DOK5: variants seen among roughly 807,000 people sequenced by gnomAD.
DOK5 encodes the protein downstream of tyrosine kinase 5.
DOK5 carries 27 observed loss-of-function variants against 43.3 expected under a neutral mutation model. The observed-to-expected ratio is 0.62, with a 90% CI of 0.46 to 0.86. DOK5 has a LOEUF of 0.86. DOK5 is among the 40% of genes least tolerant of loss of function. The pLI is 0.00. For missense variants in DOK5, 373 were observed against 392.9 expected (o/e 0.95, Z 0.43); for synonymous variants, 146 against 140.1 (o/e 1.04, Z -0.30).
intron 6 of DOK5, among the ~76,000 whole-genome samples, chr20:54,610,972 T>A (rs1166671656): frequency 1.3e-5 from 2 of 152,186 alleles, no homozygotes; most frequent in Non-Finnish European, 2.9e-5. Context: ...GATTGTGACA[T>A]CCATCTAGGT....
chr20:54,579,747 G>A (rs1985576051), intron 2 of DOK5, among the ~76,000 whole-genome samples: 1 of 151,958 alleles, frequency 6.6e-6, no homozygotes, highest in Non-Finnish European at 1.5e-5. Context: ...CTTTTTTAGG[G>A]TGGGATAATA....
intron 6 of DOK5, among the ~76,000 whole-genome samples, chr20:54,612,062 A>T (rs114640747): frequency 0.022 from 3,325 of 152,358 alleles, 148 homozygotes; most frequent in African/African-American, 0.076. Flanking sequence ...AACAAACTTT[A>T]TTAATGGACA....
At chr20:54,559,722 T>A (rs1317229987) in intron 2 of DOK5, among the ~76,000 whole-genome samples, 1 of 152,220 alleles carries the variant, frequency 6.6e-6, no homozygotes, top group Admixed American at 6.5e-5. Context: ...TAATCGTGTG[T>A]TCCATGGAAC....
chr20:54,649,215 C>T (rs1979584477), intron 7 of DOK5, among the ~76,000 whole-genome samples: 1 of 152,166 alleles, frequency 6.6e-6, no homozygotes, highest in East Asian at 1.9e-4. Context: ...AGGTCTTACT[C>T]CAGGCCACAT....
chr20:54,532,311 G>A (rs570492747), intron 1 of DOK5, among the ~76,000 whole-genome samples: 2 of 152,310 alleles, frequency 1.3e-5, no homozygotes, highest in East Asian at 3.9e-4. Context: ...TCGTGGGCAG[G>A]TGGGCTCCTG....
At chr20:54,504,261 C>T (rs988887986) in intron 1 of DOK5, among the ~76,000 whole-genome samples, 4 of 152,206 alleles carry the variant, frequency 2.6e-5, no homozygotes, top group Non-Finnish European at 5.9e-5. Flanking sequence ...CACCCTAATT[C>T]TGACCTGTGC....
chr20:54,607,881 TAAAAC>T (rs146059505), intron 5 of DOK5, among the ~76,000 whole-genome samples: 12,388 of 122,338 alleles, frequency 0.1, 561 homozygotes, highest in African/African-American at 0.19. Context: ...AGACTCCATC[TAAAAC>T]AAAACAAAAC....
intron 6 of DOK5, among the ~76,000 whole-genome samples, chr20:54,634,175 C>A (rs749945553): frequency 1.4e-4 from 22 of 152,158 alleles, no homozygotes; most frequent in Non-Finnish European, 2.8e-4. Context: ...TCATTAGAAT[C>A]TTTTTCTCTC....
chr20:54,586,378 C>T (rs1985803370), intron 2 of DOK5, among the ~76,000 whole-genome samples: 1 of 152,082 alleles, frequency 6.6e-6, no homozygotes, highest in Admixed American at 6.6e-5. Flanking sequence ...AGTGAAATTT[C>T]CCTGGAGAAA....
intron 2 of DOK5, chr20:54,555,294 G>A (rs1218322053): frequency 2.4e-6 from 1 of 413,102 alleles, no homozygotes; most frequent in African/African-American, 2.0e-5. Context: ...GACTTATCAT[G>A]TTGTTGTACT....
At chr20:54,561,076 C>G (rs118184628) in intron 2 of DOK5, among the ~76,000 whole-genome samples, 1 of 152,170 alleles carries the variant, frequency 6.6e-6, no homozygotes, top group Admixed American at 6.5e-5. Flanking sequence ...GCAGCACTCC[C>G]GCTGTATAGA....
rs528334418 is a variant in DOK5, at chr20:54,643,635, G to A, written c.856+57G>A. On this transcript the variant is annotated intron_variant, in intron 7 of 7. Transcript: ENST00000262593. ...GGGCCAGGCCTGGGAGTACTGGGGA[G>A]GGGGCTCAGCTCAACTCGCAGCTGC... 3.2e-6 allele frequency: 5 copies of A among 1,566,868 alleles called. No homozygotes were observed. The South Asian group carries it at 5.8e-5, about 18-fold the overall frequency.
intron 1 of DOK5, among the ~76,000 whole-genome samples, chr20:54,513,371 T>A (rs1345496846): frequency 7.0e-6 from 1 of 143,468 alleles, no homozygotes; most frequent in Non-Finnish European, 1.5e-5. Flanking sequence ...TTCCAATTTT[T>A]AAAAACAAAA....
intron 1 of DOK5, among the ~76,000 whole-genome samples, chr20:54,517,869 A>G (rs1983254450): frequency 6.6e-6 from 1 of 152,200 alleles, no homozygotes; most frequent in Non-Finnish European, 1.5e-5. Context: ...GGACCATGAA[A>G]TGGGCCCTCA....
intron 2 of DOK5, among the ~76,000 whole-genome samples, chr20:54,577,250 G>A (rs763869908): frequency 2.0e-5 from 3 of 152,156 alleles, no homozygotes; most frequent in Non-Finnish European, 4.4e-5. Context: ...AGAGAATTTA[G>A]TATCACTTTA....
intron 1 of DOK5, among the ~76,000 whole-genome samples, chr20:54,483,696 C>A (rs979358372): frequency 7.9e-5 from 12 of 151,932 alleles, no homozygotes; most frequent in Admixed American, 2.6e-4. Context: ...TATGGTGCGA[C>A]CCCCCCGTTC....
At chr20:54,589,703 G>T (rs1484049510) in intron 4 of DOK5, among the ~76,000 whole-genome samples, 5 of 152,130 alleles carry the variant, frequency 3.3e-5, no homozygotes, top group Non-Finnish European at 5.9e-5. Flanking sequence ...AGATGGAATT[G>T]TACTGACTTT....
In DOK5 at chr20:54,514,685, T is replaced by C. The variant is rs866507497; in HGVS notation, c.66+38673T>C. ...AAGGAGGAGGAATATGGTGTCTCTTTGGGACTTGAGGTCATGTAAAACTGA... is the reference window on the plus strand; with the variant it reads ...AAGGAGGAGGAATATGGTGTCTCTTCGGGACTTGAGGTCATGTAAAACTGA... On this transcript the variant is annotated intron_variant, in intron 1 of 7. Coordinates refer to ENST00000262593, the MANE Select transcript of DOK5 (RefSeq NM_018431.5). Among the ~76,000 whole-genome samples, 23 of 151,480 alleles carry C rather than the reference T, an allele frequency of 1.5e-4. No homozygotes were observed. The South Asian group carries it at 1.9e-3, about 12-fold the overall frequency.
intron 1 of DOK5, among the ~76,000 whole-genome samples, chr20:54,512,524 CA>C (rs1306497846): frequency 6.6e-6 from 1 of 152,152 alleles, no homozygotes; most frequent in African/African-American, 2.4e-5. Context: ...ATGGTAACAG[CA>C]GCCTACAGTG....
Sources: gnomAD v4.1 joint callset for allele counts (sites outside exome capture counted in the v4.1 genomes callset) on GRCh38, gnomAD v4.1.1 for gene constraint, MANE v1.5 for transcripts, NCBI Gene and HGNC (gene_info 2026-07-23, HGNC 2026-07-21) for gene names.